Variants in SLC39A14 observed in about 807,000 individuals in gnomAD.
SLC39A14 encodes the protein solute carrier family 39 member 14, also known as metal cation symporter ZIP14.
A neutral mutation model predicts 45.5 loss-of-function variants in SLC39A14; 19 were observed. The ratio of observed to expected loss-of-function variants is 0.42; its 90% CI spans 0.29 to 0.61. The LOEUF is 0.61. SLC39A14 is among the 20% of genes least tolerant of loss of function. The probability of loss-of-function intolerance (pLI) is 0.22; values close to 1 mark genes in which losing one functional copy is unlikely to be tolerated. For synonymous variants in SLC39A14, 264 were observed against 251.3 expected (o/e 1.05, Z -0.48); for missense variants, 447 against 616.5 (o/e 0.73, Z 2.91).
In SLC39A14 at chr8:22,401,479, A is replaced by G. The variant is rs368432583; in HGVS notation, c.-15-3217A>G. Among the ~76,000 whole-genome samples, 7 of 151,986 alleles carry G rather than the reference A, an allele frequency of 4.6e-5. 1 individual carries two copies. Among genetic ancestry groups the G allele is most frequent in the African/African-American group, 9.7e-5 (4 of 41,432 alleles). ...GTTAACAAAAGAAAAATCGTCATCA[A>G]TCTTACTTTAAGCTTTCATTTATCT... On this transcript the variant is annotated intron_variant, in intron 1 of 8. Transcript: ENST00000381237.
At chr8:22,403,989 T>C (rs1277784634) in intron 1 of SLC39A14, among the ~76,000 whole-genome samples, 3 of 152,080 alleles carry the variant, frequency 2.0e-5, no homozygotes, top group Non-Finnish European at 4.4e-5. Context: ...GTCACTTAGT[T>C]CCAGTGAATA....
chr8:22,423,993 T>A (rs78357490), downstream of SLC39A14, among the ~76,000 whole-genome samples: 2 of 145,098 alleles, frequency 1.4e-5, no homozygotes, highest in Admixed American at 1.4e-4. Context: ...TTTTTTTTTT[T>A]ATAGAAACAT....
intron 3 of SLC39A14, among the ~76,000 whole-genome samples, chr8:22,411,409 A>G (rs1189025055): frequency 6.6e-6 from 1 of 152,238 alleles, no homozygotes; most frequent in Non-Finnish European, 1.5e-5. Context: ...AGGTTAAGAC[A>G]CTGAATTTTA....
chr8:22,398,856 GA>G, intron 1 of SLC39A14: 1 of 544,922 alleles, frequency 1.8e-6, no homozygotes, highest in Non-Finnish European at 2.3e-6. Context: ...CGCTTCCATA[GA>G]GGGTTCCAGA....
intron 1 of SLC39A14, among the ~76,000 whole-genome samples, chr8:22,369,102 C>T (rs961147871): frequency 2.6e-5 from 4 of 152,046 alleles, no homozygotes; most frequent in African/African-American, 9.7e-5. Context: ...TGTGTGGTAG[C>T]CAGGAGATAG....
intron 3 of SLC39A14, among the ~76,000 whole-genome samples, chr8:22,409,671 C>T (rs941772035): frequency 3.3e-5 from 5 of 152,200 alleles, no homozygotes; most frequent in Admixed American, 6.5e-5. Flanking sequence ...CTTGCGCCAC[C>T]GCACCTGGCC....
chr8:22,432,876 C>T (rs1836490148), intron 8 of SLC39A14, among the ~76,000 whole-genome samples: 1 of 144,488 alleles, frequency 6.9e-6, no homozygotes, highest in Non-Finnish European at 1.5e-5. Flanking sequence ...TGGTCTCGAA[C>T]TCCTGACCTC....
At chr8:22,416,541 C>T (rs1835893618) in intron 7 of SLC39A14, among the ~76,000 whole-genome samples, 1 of 152,050 alleles carries the variant, frequency 6.6e-6, no homozygotes, top group Non-Finnish European at 1.5e-5. Flanking sequence ...TCTCCTGCCT[C>T]AGTCTCCCAA....
chr8:22,382,738 A>G (rs1265315666), intron 1 of SLC39A14, among the ~76,000 whole-genome samples: 1 of 152,074 alleles, frequency 6.6e-6, no homozygotes, highest in Non-Finnish European at 1.5e-5. Flanking sequence ...TTTTTGAGAC[A>G]GAGTCTTACT....
Position 22,419,781 on chromosome 8 carries a change from A to G in SLC39A14, c.*83A>G. 2.0e-6 allele frequency: 3 copies of G among 1,486,284 alleles called. No homozygotes were observed. The highest frequency in any genetic ancestry group is 2.7e-6 in the Non-Finnish European group (3 of 1,120,424). 92.1% of individuals were successfully genotyped at this position (1,486,284 alleles called of 1,614,324 possible). On this transcript the variant is annotated 3_prime_UTR_variant, in exon 9 of 9. Coordinates refer to ENST00000381237, the MANE Select transcript of SLC39A14 (RefSeq NM_001128431.4). Reference sequence around the variant, plus strand: ...CCCGAGGACTTACCATCCACAATGCACCACGGAAGAGGCCGTTCTATGAAA... The same window carrying G: ...CCCGAGGACTTACCATCCACAATGCGCCACGGAAGAGGCCGTTCTATGAAA...
chr8:22,387,315 A>G (rs954669657), intron 1 of SLC39A14, among the ~76,000 whole-genome samples: 1 of 152,170 alleles, frequency 6.6e-6, no homozygotes, highest in Non-Finnish European at 1.5e-5. Context: ...TAGTGCTGCC[A>G]TAAGACGTCC....
At chr8:22,382,984 TTGGGATTACAGGCGTGAGTCAC>T (rs1397174634) in intron 1 of SLC39A14, among the ~76,000 whole-genome samples, 1 of 151,756 alleles carries the variant, frequency 6.6e-6, no homozygotes, top group Non-Finnish European at 1.5e-5. Flanking sequence ...TCCCAAAGTG[TTGGGATTACAGGCGTGAGTCAC>T]CGCGGCCGGT....
At chr8:22,384,777 C>T (rs948829309) in intron 1 of SLC39A14, among the ~76,000 whole-genome samples, 1 of 136,240 alleles carries the variant, frequency 7.3e-6, no homozygotes, top group Admixed American at 7.9e-5. Context: ...TGGCCGGGCA[C>T]GGTGGCTCAT....
At chr8:22,387,321 C>CGTCCTCGGG (rs1421377350) in intron 1 of SLC39A14, among the ~76,000 whole-genome samples, 8 of 152,124 alleles carry the variant, frequency 5.3e-5, no homozygotes, top group Non-Finnish European at 1.0e-4. Context: ...TGCCATAAGA[C>CGTCCTCGGG]GTCCTCGGGG....
At chr8:22,427,271 A>G (rs188995031), downstream of SLC39A14, among the ~76,000 whole-genome samples, 5 of 152,178 alleles carry the variant, frequency 3.3e-5, no homozygotes, top group East Asian at 7.8e-4. Flanking sequence ...AGCCTGGGCA[A>G]CAAGAGAACA....
chr8:22,396,391 GAGAGAGAGAGAGAGA>G (rs1563532511), intron 1 of SLC39A14, among the ~76,000 whole-genome samples: 1 of 6,958 alleles, frequency 1.4e-4, no homozygotes, highest in African/African-American at 2.2e-3. Context: ...TAAATAGAGA[GAGAGAGAGAGAGAGA>G]GAGAGAGGGG....
Position 22,417,802 on chromosome 8 carries a change from A to C in SLC39A14, c.1299A>C (p.Gly433=). ...CCAACTGGATTTTTGCGCTAGCTGG[A>C]GGAATGTTCTTGTATATTTCTCTGG... The part of the protein sequence containing the change: ...FSANWIFALA[G]GMFLYISLAD... The change falls in exon 8 of 9, where the codon GGA becomes GGC. Residue 433 remains glycine (G), a synonymous_variant. Coordinates refer to ENST00000381237, the MANE Select transcript of SLC39A14 (RefSeq NM_001128431.4). 1 of 1,614,084 alleles carries C rather than the reference A, an allele frequency of 6.2e-7. No individual in the cohort carries two copies. Among genetic ancestry groups the C allele is most frequent in the Non-Finnish European group, 8.5e-7 (1 of 1,180,012 alleles).
At chr8:22,376,436 G>A (rs1306423634) in intron 1 of SLC39A14, among the ~76,000 whole-genome samples, 1 of 147,894 alleles carries the variant, frequency 6.8e-6, no homozygotes, top group African/African-American at 2.5e-5. Context: ...ACCCACCTCA[G>A]CCTCCCAAAG....
chr8:22,377,895 A>G (rs1833299091), intron 1 of SLC39A14, among the ~76,000 whole-genome samples: 1 of 152,094 alleles, frequency 6.6e-6, no homozygotes, highest in African/African-American at 2.4e-5. Context: ...TGAATACCCC[A>G]TTTGGATCTG....
Sources: gnomAD v4.1 joint callset for allele counts (sites outside exome capture counted in the v4.1 genomes callset) on GRCh38, gnomAD v4.1.1 for gene constraint, MANE v1.5 for transcripts, NCBI Gene and HGNC (gene_info 2026-07-23, HGNC 2026-07-21) for gene names.